Variants in LRRTM4 observed in about 807,000 individuals in gnomAD.
LRRTM4 encodes the protein leucine-rich repeat transmembrane neuronal protein 4.
In LRRTM4, 25 loss-of-function variants were observed where a neutral mutation model predicts 47.6. That is an observed-to-expected ratio of 0.53 (90% CI 0.38 to 0.73). The LOEUF (loss-of-function observed/expected upper bound fraction) is 0.73. LRRTM4 is among the 30% of genes least tolerant of loss of function. The pLI is 0.00. For synonymous variants in LRRTM4, 311 were observed against 269.5 expected, an observed-to-expected ratio of 1.15 and a Z score of -1.51; for missense variants, 638 against 713.4, an observed-to-expected ratio of 0.89 and a Z score of 1.20.
chr2:76,751,941 A>G (rs555515914), intron 3 of LRRTM4, among the ~76,000 whole-genome samples: 2 of 152,284 alleles, frequency 1.3e-5, no homozygotes, highest in East Asian at 3.9e-4. Flanking sequence ...TTATTTCCAA[A>G]TGGAAACAAC....
intron 3 of LRRTM4, among the ~76,000 whole-genome samples, chr2:77,364,496 A>G (rs1441350458): frequency 1.3e-5 from 2 of 152,108 alleles, no homozygotes; most frequent in East Asian, 1.9e-4. Flanking sequence ...CAACTCTCTA[A>G]CAGCCTAGCA....
At chr2:77,091,966 GC>G (rs1394349360) in intron 3 of LRRTM4, among the ~76,000 whole-genome samples, 3 of 150,558 alleles carry the variant, frequency 2.0e-5, no homozygotes, top group African/African-American at 7.4e-5. Flanking sequence ...ACACCCTGTA[GC>G]CTTTCTGTCC....
intron 3 of LRRTM4, among the ~76,000 whole-genome samples, chr2:77,120,837 AG>A: frequency 6.6e-6 from 1 of 152,008 alleles, no homozygotes; most frequent in South Asian, 2.1e-4. Context: ...GTGTCAGTGG[AG>A]GAGAGCCTTT....
At chr2:76,872,198 A>G (rs1014754016) in intron 3 of LRRTM4, among the ~76,000 whole-genome samples, 1 of 152,222 alleles carries the variant, frequency 6.6e-6, no homozygotes, top group Admixed American at 6.5e-5. Context: ...AGCAAATATA[A>G]TTTCCATATA....
intron 3 of LRRTM4, among the ~76,000 whole-genome samples, chr2:77,340,142 C>T (rs1671317644): frequency 6.6e-6 from 1 of 151,796 alleles, no homozygotes; most frequent in Admixed American, 6.6e-5. Flanking sequence ...TTTCTTTTCA[C>T]TAGGTAATTA....
intron 3 of LRRTM4, among the ~76,000 whole-genome samples, chr2:77,452,840 A>C (rs1676313961): frequency 6.6e-6 from 1 of 152,142 alleles, no homozygotes; most frequent in Non-Finnish European, 1.5e-5. Context: ...GATTCAGTAT[A>C]CCACAGGTCA....
At chr2:77,335,647 T>A (rs1671136401) in intron 3 of LRRTM4, among the ~76,000 whole-genome samples, 1 of 152,194 alleles carries the variant, frequency 6.6e-6, no homozygotes, top group African/African-American at 2.4e-5. Flanking sequence ...TACTTCTAAA[T>A]AATATTCATT....
At chr2:77,051,243 CGTT>C (rs905825007) in intron 3 of LRRTM4, among the ~76,000 whole-genome samples, 8 of 151,840 alleles carry the variant, frequency 5.3e-5, no homozygotes, top group African/African-American at 1.9e-4. Flanking sequence ...TAGTTCAAAA[CGTT>C]GGTAGTGCAA....
At chr2:77,048,271 T>A (rs1007556346) in intron 3 of LRRTM4, among the ~76,000 whole-genome samples, 2 of 152,032 alleles carry the variant, frequency 1.3e-5, no homozygotes, top group Admixed American at 1.3e-4. Flanking sequence ...AATGGTCAGC[T>A]GAAGTATTGG....
chr2:77,108,938 A>T (rs1399240273), intron 3 of LRRTM4, among the ~76,000 whole-genome samples: 3 of 152,210 alleles, frequency 2.0e-5, no homozygotes, highest in Admixed American at 2.0e-4. Flanking sequence ...CTAAAGTAAA[A>T]TTATTTAAAA....
At chr2:76,809,392 C>T (rs1469805138) in intron 3 of LRRTM4, among the ~76,000 whole-genome samples, 1 of 152,162 alleles carries the variant, frequency 6.6e-6, no homozygotes, top group African/African-American at 2.4e-5. Flanking sequence ...TCAGTTATGT[C>T]AGCTCCTTCT....
At chr2:77,490,917 T>C (rs1454247048) in intron 3 of LRRTM4, among the ~76,000 whole-genome samples, 2 of 151,960 alleles carry the variant, frequency 1.3e-5, no homozygotes, top group African/African-American at 4.8e-5. Context: ...AACTGAAAAA[T>C]GTTGAAAAGG....
At chr2:77,344,641 A>G (rs1043850932) in intron 3 of LRRTM4, among the ~76,000 whole-genome samples, 1 of 151,914 alleles carries the variant, frequency 6.6e-6, no homozygotes, top group Non-Finnish European at 1.5e-5. Context: ...ACAAATAATG[A>G]CTGAAAACTT....
intron 3 of LRRTM4, among the ~76,000 whole-genome samples, chr2:76,879,138 A>G (rs146342825): frequency 1.3e-5 from 2 of 152,360 alleles, no homozygotes; most frequent in African/African-American, 4.8e-5. Context: ...AAAGTTACAC[A>G]TAAGATCTAG....
intron 3 of LRRTM4, among the ~76,000 whole-genome samples, chr2:76,810,690 CTTAT>C (rs1195707178): frequency 6.6e-6 from 1 of 152,044 alleles, no homozygotes; most frequent in Non-Finnish European, 1.5e-5. Context: ...ACTTAACTTC[CTTAT>C]TTAGTTTCTA....
chr2:76,983,892 A>G (rs1335896531), intron 3 of LRRTM4, among the ~76,000 whole-genome samples: 3 of 152,224 alleles, frequency 2.0e-5, no homozygotes, highest in South Asian at 2.1e-4. Flanking sequence ...CTGGGCCACA[A>G]GAAAGTTGTG....
rs1284372942 is a variant in LRRTM4 at position 77,049,111 on chromosome 2, TATTTCA to T, written c.1552-300201_1552-300196del. Among the ~76,000 whole-genome samples the T allele has an allele frequency of 5.7e-5, 7 of 123,836 alleles. 1 individual carries two copies. Among genetic ancestry groups the T allele is most frequent in the African/African-American group, 2.3e-4 (7 of 30,778 alleles). The allele number at this position is 123,836 out of a possible 152,430, so 81.2% of individuals were successfully genotyped here. The stretch of plus-strand genomic sequence containing the variant: ...AGTTTGTTTTTTTTTGACTAAATAA[TATTTCA>T]TTTTTTATATATATATATATATATA... On this transcript the variant is annotated intron_variant, in intron 3 of 3. Transcript: ENST00000409884.
intron 3 of LRRTM4, among the ~76,000 whole-genome samples, chr2:76,876,083 T>G (rs974382721): frequency 1.3e-5 from 2 of 152,144 alleles, no homozygotes; most frequent in Non-Finnish European, 2.9e-5. Flanking sequence ...TCAAGTCTAA[T>G]TGGTGTTTTC....
chr2:77,128,392 T>C (rs976251485), intron 3 of LRRTM4, among the ~76,000 whole-genome samples: 6 of 89,548 alleles, frequency 6.7e-5, no homozygotes, highest in African/African-American at 3.2e-4. Context: ...TGAAATTCTG[T>C]AACAGATAGA....
Sources: gnomAD v4.1 joint callset for allele counts (sites outside exome capture counted in the v4.1 genomes callset) on GRCh38, gnomAD v4.1.1 for gene constraint, MANE v1.5 for transcripts, NCBI Gene and HGNC (gene_info 2026-07-23, HGNC 2026-07-21) for gene names.